RASEF: variants seen among roughly 807,000 people sequenced by gnomAD.
The protein encoded by RASEF is RAS and EF-hand domain containing.
RASEF carries 68 observed loss-of-function variants against 90.1 expected under a neutral mutation model. The observed-to-expected ratio is 0.75, with a 90% CI of 0.62 to 0.92. The LOEUF is 0.92. RASEF is among the 40% of genes least tolerant of loss of function. The pLI is 0.00. For synonymous variants in RASEF, 331 were observed against 345.2 expected, an observed-to-expected ratio of 0.96 and a Z score of 0.46; for missense variants, 949 against 937.2, an observed-to-expected ratio of 1.01 and a Z score of -0.16.
chr9:82,996,270 T>C (rs544183300), intron 14 of RASEF, among the ~76,000 whole-genome samples: 4 of 152,356 alleles, frequency 2.6e-5, no homozygotes, highest in Admixed American at 6.5e-5. Flanking sequence ...TGTATTAATA[T>C]ACTTAGTTGA....
intron 1 of RASEF, among the ~76,000 whole-genome samples, chr9:83,038,948 T>C (rs1829790347): frequency 6.6e-6 from 1 of 152,206 alleles, no homozygotes; most frequent in East Asian, 1.9e-4. Context: ...ATACAAAATA[T>C]GTAACTTTTC....
the RASEF span, among the ~76,000 whole-genome samples, chr9:83,123,757 A>G: frequency 1.3e-5 from 2 of 152,246 alleles, no homozygotes; most frequent in Non-Finnish European, 2.9e-5. Flanking sequence ...CTTCCACACT[A>G]TTAACGTAAC....
chr9:82,983,392 G>C (rs959051790), intron 16 of RASEF, among the ~76,000 whole-genome samples: 1 of 152,084 alleles, frequency 6.6e-6, no homozygotes, highest in Non-Finnish European at 1.5e-5. Context: ...TTAACTGCTA[G>C]AGGCAAGACT....
chr9:83,141,101 C>T, the RASEF span, among the ~76,000 whole-genome samples: 13 of 148,602 alleles, frequency 8.7e-5, no homozygotes, highest in Admixed American at 5.4e-4. Flanking sequence ...CGATATCACA[C>T]CATTGCACTT....
At chr9:83,021,711 A>G (rs1370886154) in intron 3 of RASEF, among the ~76,000 whole-genome samples, 1 of 152,240 alleles carries the variant, frequency 6.6e-6, no homozygotes. Flanking sequence ...ATTAGGTATT[A>G]TAAGTAATCC....
At chr9:83,156,703 C>G in the RASEF span, among the ~76,000 whole-genome samples, 1 of 152,208 alleles carries the variant, frequency 6.6e-6, no homozygotes, top group Admixed American at 6.5e-5. Flanking sequence ...CTGGCTTGCA[C>G]AGAACAATTC....
chr9:83,109,972 T>C, the RASEF span, among the ~76,000 whole-genome samples: 1 of 152,212 alleles, frequency 6.6e-6, no homozygotes, highest in Non-Finnish European at 1.5e-5. Flanking sequence ...TTTGTATCAA[T>C]TTGTGTGCTA....
the RASEF span, among the ~76,000 whole-genome samples, chr9:83,164,025 T>A: frequency 6.8e-6 from 1 of 147,552 alleles, no homozygotes; most frequent in East Asian, 2.0e-4. Flanking sequence ...CAACCTAGAA[T>A]TCTGTAACCT....
intron 10 of RASEF, 42 bp downstream of exon 10, chr9:83,000,854 T>C: frequency 1.3e-6 from 2 of 1,496,110 alleles, no homozygotes; most frequent in Non-Finnish European, 1.9e-6. Flanking sequence ...CAGATTTCAA[T>C]CACGTAGAAG....
the RASEF span, among the ~76,000 whole-genome samples, chr9:83,213,174 T>A: frequency 6.7e-6 from 1 of 149,542 alleles, no homozygotes; most frequent in African/African-American, 2.5e-5. Flanking sequence ...CCAAGGCAGG[T>A]AGATCACTTG....
chr9:83,082,254 G>A, the RASEF span, among the ~76,000 whole-genome samples: 3 of 152,154 alleles, frequency 2.0e-5, no homozygotes, highest in African/African-American at 4.8e-5. Context: ...TAGAGAAACA[G>A]CCTCCTTCTA....
intron 16 of RASEF, among the ~76,000 whole-genome samples, chr9:82,987,228 ATAAAGCAAT>A (rs1289111725): frequency 6.7e-6 from 1 of 149,790 alleles, no homozygotes; most frequent in Non-Finnish European, 1.5e-5. Flanking sequence ...AAGGCTAAGT[ATAAAGCAAT>A]TAAGGTCTTC....
chr9:83,024,122 T>C (rs17085963), intron 2 of RASEF, among the ~76,000 whole-genome samples: 4,643 of 152,288 alleles, frequency 0.03, 222 homozygotes, highest in African/African-American at 0.1. Flanking sequence ...GGTTTACAAG[T>C]AGCCATTTAA....
At chr9:83,166,836 T>A in the RASEF span, among the ~76,000 whole-genome samples, 1 of 152,180 alleles carries the variant, frequency 6.6e-6, no homozygotes, top group Non-Finnish European at 1.5e-5. Flanking sequence ...CACACTCAGG[T>A]AGACCCCCAG....
chr9:83,113,160 T>A, the RASEF span, among the ~76,000 whole-genome samples: 20 of 152,342 alleles, frequency 1.3e-4, no homozygotes. Flanking sequence ...GACCATTTCA[T>A]GGACAGTTAT....
At chr9:83,131,758 G>T in the RASEF span, among the ~76,000 whole-genome samples, 1 of 152,080 alleles carries the variant, frequency 6.6e-6, no homozygotes, top group Non-Finnish European at 1.5e-5. Context: ...ATCTAAATGG[G>T]TATACTCTAA....
At chr9:83,194,601 G>T in the RASEF span, among the ~76,000 whole-genome samples, 1 of 152,236 alleles carries the variant, frequency 6.6e-6, no homozygotes, top group East Asian at 1.9e-4. Flanking sequence ...CAGAAAGAAG[G>T]ACTAAGTTCT....
At chr9:83,073,503 A>C in the RASEF span, among the ~76,000 whole-genome samples, 2,354 of 152,176 alleles carry the variant, frequency 0.015, 69 homozygotes, top group African/African-American at 0.053. Flanking sequence ...CAGTGAAGGC[A>C]GTGTACAACC....
At chr9:83,085,100 C>T in the RASEF span, among the ~76,000 whole-genome samples, 2 of 152,112 alleles carry the variant, frequency 1.3e-5, no homozygotes, top group African/African-American at 4.8e-5. Context: ...ACAAGAACAT[C>T]ATTCAATGTT....
Sources: gnomAD v4.1 joint callset for allele counts (sites outside exome capture counted in the v4.1 genomes callset) on GRCh38, gnomAD v4.1.1 for gene constraint, MANE v1.5 for transcripts, NCBI Gene and HGNC (gene_info 2026-07-23, HGNC 2026-07-21) for gene names.